CLEC10A: variants seen among roughly 807,000 people sequenced by gnomAD.
The protein encoded by CLEC10A is C-type lectin domain containing 10A.
Under a neutral mutation model 42.0 loss-of-function variants are expected in CLEC10A, and 38 were observed. That is an observed-to-expected ratio of 0.90 (90% CI 0.70 to 1.18). The LOEUF is 1.18. CLEC10A is among the 50% of genes most tolerant of loss of function. The pLI is 0.00. For missense variants in CLEC10A, 298 were observed against 345.9 expected (o/e 0.86, Z 1.10); for synonymous variants, 126 against 139.9 (o/e 0.90, Z 0.70).
At chr17:7,078,589 T>C (rs1911994545) in intron 2 of CLEC10A, 157 bp downstream of exon 2, 4 of 703,938 alleles carry the variant, frequency 5.7e-6, no homozygotes, top group Middle Eastern at 3.1e-4. Flanking sequence ...TCTAGAGACC[T>C]TGCATCCTCT....
intron 1 of CLEC10A, among the ~76,000 whole-genome samples, chr17:7,079,671 C>T (rs998173823): frequency 1.8e-4 from 27 of 152,114 alleles, no homozygotes; most frequent in Admixed American, 7.9e-4. Flanking sequence ...AATGGGCCAC[C>T]AATGAGGCTG....
In CLEC10A at chr17:7,077,994, C is replaced by T. The variant is rs1911948126; in HGVS notation, c.184+3G>A. On this transcript the variant is annotated splice_donor_region_variant and intron_variant, in intron 3 of 8. Coordinates refer to ENST00000416562, the MANE Select transcript of CLEC10A (RefSeq NM_001330070.2). ...CTTCCCTGTCCACCCCTGTGACCCT[C>T]ACTTTGGAATCCAACCACACAGATG... is the stretch of plus-strand genomic sequence containing the variant. 2.5e-6 allele frequency: 4 copies of T among 1,604,590 alleles called. No homozygotes were observed. The highest frequency in any genetic ancestry group is 1.7e-5 in the Admixed American group (1 of 59,974).
At chr17:7,078,421 G>A in intron 2 of CLEC10A, 1 of 505,960 alleles carries the variant, frequency 2.0e-6, no homozygotes, top group Non-Finnish European at 3.6e-6. Flanking sequence ...AGCCCTTCAT[G>A]GGCTTATGCT....
Position 7,078,869 on chromosome 17 carries a change from C to G in CLEC10A, c.-57G>C, listed in dbSNP as rs370204054. The G allele has an allele frequency of 1.9e-6, 3 of 1,564,502 alleles. No homozygotes were observed. The highest frequency in any genetic ancestry group is 2.2e-5 in the East Asian group (1 of 44,602). ...AGCTGAAATGGAGGCAGGGCCGGCG[C>G]CCAGTCTGGGGTGGAGCTGGGGAAT... On this transcript the variant is annotated 5_prime_UTR_variant, in exon 2 of 9. Coordinates refer to ENST00000416562, the MANE Select transcript of CLEC10A (RefSeq NM_001330070.2).
chr17:7,078,439 C>T (rs1911985569), intron 2 of CLEC10A: 6 of 515,586 alleles, frequency 1.2e-5, no homozygotes, highest in Non-Finnish European at 2.1e-5. Context: ...GCTCACCTAC[C>T]TGCTGGACAA....
At chr17:7,079,386 C>T (rs958956340) in intron 1 of CLEC10A, among the ~76,000 whole-genome samples, 2 of 152,018 alleles carry the variant, frequency 1.3e-5, no homozygotes, top group Non-Finnish European at 2.9e-5. Flanking sequence ...AGTTTGAGAC[C>T]GGCCTGGCCA....
At chr17:7,076,655 C>T in intron 5 of CLEC10A, 78 bp downstream of exon 5, 1 of 1,502,726 alleles carries the variant, frequency 6.7e-7, no homozygotes. Flanking sequence ...GAGGGCAGTT[C>T]AGCACCAGGA....
In CLEC10A at chr17:7,075,176, C is replaced by A; in HGVS notation, c.748G>T (p.Gly250Cys). 6.3e-7 allele frequency: 1 copy of A among 1,580,428 alleles called. No homozygotes were observed. The highest frequency in any genetic ancestry group is 8.6e-7 in the Non-Finnish European group (1 of 1,167,370). Residue 250 changes from glycine to cysteine, a missense_variant, in exon 9 of 9, where the codon GGT becomes TGT. Physicochemically the swap from Gly to Cys is radical, Grantham distance 159. This residue lies in a region of CLEC10A where 267 missense variants were observed against 289.5 expected (regional missense o/e 0.92). Transcript: ENST00000416562. ...AAGTGAGCACAGTCCTCGCCTCCAC[C>A]CAGCCCGTGCCCCTGCCAGTCGTCT... ...QPDDWQGHGL[G>C]GGEDCAHFHP...
At chr17:7,079,293 T>TG (rs1197243664) in intron 1 of CLEC10A, among the ~76,000 whole-genome samples, 5 of 151,788 alleles carry the variant, frequency 3.3e-5, no homozygotes, top group African/African-American at 7.3e-5. Context: ...AGGAGCTGGG[T>TG]GGGGGGCGAC....
rs1386437577 is a variant in CLEC10A at position 7,075,663 on chromosome 17, C to T, written c.594+68G>A. On this transcript the variant is annotated intron_variant, in intron 7 of 8. Transcript: ENST00000416562. The stretch of plus-strand genomic sequence containing the variant: ...GAAGCTCCCAGATGATTCCAATGTG[C>T]GGCCAAGCTTAAGAACCATTTCCCT... 6.2e-6 allele frequency: 10 copies of T among 1,607,606 alleles called. No homozygotes were observed. The East Asian group carries it at 1.3e-4, about 22-fold the overall frequency.
chr17:7,076,303 C>CTTT lies in CLEC10A; in HGVS notation c.353-235_353-233dup. Reference sequence around the variant, plus strand: ...GAAAGCATGCTGCCTTTCTTTCTTTCTTTCTTTTTTTTTTTTTTTTTTTTG... The same window carrying CTTT: ...GAAAGCATGCTGCCTTTCTTTCTTTCTTTTTTCTTTTTTTTTTTTTTTTTTTTG... On this transcript the variant is annotated intron_variant, in intron 5 of 8. Coordinates refer to ENST00000416562, the MANE Select transcript of CLEC10A (RefSeq NM_001330070.2). The CTTT allele has an allele frequency of 8.1e-6, 4 of 493,546 alleles. No homozygotes were observed. The East Asian group carries it at 1.2e-4, about 15-fold the overall frequency. 30.6% of individuals were successfully genotyped at this position (493,546 alleles called of 1,614,324 possible). A position where few individuals can be genotyped will look rare whatever the true frequency, so the allele number is the denominator to read the frequency against.
intron 3 of CLEC10A, among the ~76,000 whole-genome samples, chr17:7,077,218 G>A (rs1911812489): frequency 6.9e-6 from 1 of 145,310 alleles, no homozygotes; most frequent in South Asian, 2.2e-4. Flanking sequence ...TCCTGACTAT[G>A]GGTCCGTCAA....
rs991113331 is a variant in CLEC10A, at chr17:7,075,140, C to T, written c.784G>A (p.Gly262Ser). The T allele has an allele frequency of 1.9e-6, 3 of 1,608,418 alleles. No individual in the cohort carries two copies. The highest frequency in any genetic ancestry group is 2.5e-6 in the Non-Finnish European group (3 of 1,178,460). The change falls in exon 9 of 9, where the codon GGC becomes AGC. Residue 262 changes from glycine to serine, a missense_variant. By Grantham distance (56) the Gly-to-Ser change is moderately conservative. Transcript: ENST00000416562. ...GEDCAHFHPDGRWNDDVCQRP... is the reference protein window; with the variant it reads ...GEDCAHFHPDSRWNDDVCQRP... ...TGGCAGACGTCGTCATTCCACCTGC[C>T]GTCTGGATGGAAGTGAGCACAGTCC...
chr17:7,075,017 G>A lies in CLEC10A; in HGVS notation c.*37C>T, dbSNP rs748103007. 18 of 1,500,996 alleles carry A rather than the reference G, an allele frequency of 1.2e-5. No individual in the cohort carries two copies. The highest frequency in any genetic ancestry group is 2.4e-4 in the Middle Eastern group (1 of 4,240). The allele number at this position is 1,500,996 out of a possible 1,614,324, so 93.0% of individuals were successfully genotyped here. A position where few individuals can be genotyped will look rare whatever the true frequency, so the allele number is the denominator to read the frequency against. Reference sequence around the variant, plus strand: ...TCGTGAGAAGAGTCCTCCTCCCACCGCCATTTCTGTGGCCGGGTGGTCCCA... The same window carrying A: ...TCGTGAGAAGAGTCCTCCTCCCACCACCATTTCTGTGGCCGGGTGGTCCCA... On this transcript the variant is annotated 3_prime_UTR_variant, in exon 9 of 9. Transcript: ENST00000416562.
intron 5 of CLEC10A, 57 bp downstream of exon 5, chr17:7,076,676 A>G: frequency 6.3e-7 from 1 of 1,576,008 alleles, no homozygotes; most frequent in Non-Finnish European, 8.7e-7. Flanking sequence ...GTCTGTTCCC[A>G]CCTCCACTGT....
Position 7,076,973 on chromosome 17 carries a change from T to C in CLEC10A, c.199A>G (p.Arg67Gly). The C allele has an allele frequency of 5.0e-6, 8 of 1,613,476 alleles. No homozygotes were observed. Among genetic ancestry groups the C allele is most frequent in the Non-Finnish European group, 5.9e-6 (7 of 1,179,580 alleles). The part of the protein sequence containing the change: ...VVGFQNSKFQ[R>G]DLVTLRTDFS... ...TCTGTTCTCAGGGTCACCAGGTCCCTCTGAAATTTGGAATCTAAACAGGTG... is the reference window on the plus strand; with the variant it reads ...TCTGTTCTCAGGGTCACCAGGTCCCCCTGAAATTTGGAATCTAAACAGGTG... Residue 67 changes from arginine (R) to glycine (G), a missense_variant, in exon 4 of 9, where the codon AGG (arginine) becomes GGG (glycine). Arg to Gly is a moderately radical substitution (Grantham distance 125). This residue lies in a region of CLEC10A where 267 missense variants were observed against 289.5 expected (regional missense o/e 0.92). Coordinates refer to ENST00000416562, the MANE Select transcript of CLEC10A (RefSeq NM_001330070.2).
At position 7,075,465 on chromosome 17, in the gene CLEC10A, T is replaced by C; in HGVS notation, c.596A>G (p.Asn199Ser). Reference protein sequence around the residue: ...LVVINSREEQNFVQKYLGSAY... With the variant: ...LVVINSREEQSFVQKYLGSAY... ...GGAGCCTAGATATTTCTGGACAAAA[T>C]TCTGCGGTGACAGAAGGGCAGTGGT... The change falls in exon 8 of 9, where the codon AAT becomes AGT. Residue 199 changes from asparagine to serine, a missense_variant and splice_region_variant. Physicochemically the swap from Asn to Ser is conservative, Grantham distance 46. Around this residue, in one of 3 missense-constraint regions of CLEC10A, gnomAD observed 267 missense variants for 289.5 expected, o/e 0.92. Coordinates refer to ENST00000416562, the MANE Select transcript of CLEC10A (RefSeq NM_001330070.2). The C allele has an allele frequency of 6.5e-7, 1 of 1,532,228 alleles. No individual in the cohort carries two copies. The highest frequency in any genetic ancestry group is 1.3e-5 in the South Asian group (1 of 75,876). The allele number at this position is 1,532,228 out of a possible 1,614,324, so 94.9% of individuals were successfully genotyped here.
rs1302920510 is a variant in CLEC10A at position 7,078,752 on chromosome 17, T to A, written c.61A>T (p.Lys21Ter). 1 of 1,614,110 alleles carries A rather than the reference T, an allele frequency of 6.2e-7. No individual in the cohort carries two copies. Among genetic ancestry groups the A allele is most frequent in the Non-Finnish European group, 8.5e-7 (1 of 1,179,930 alleles). ...GTTTCCCCTTTCCTCTTACCATTTT[T>A]AAACCCCTGGACTTTCACCTTATTC... is the stretch of plus-strand genomic sequence containing the variant. Reference protein sequence around the residue: ...LENKVKVQGFKNGPLPLQSLL... With the variant: ...LENKVKVQGF Residue 21 changes from lysine to a stop codon, truncating the protein, a stop_gained, in exon 2 of 9, where the codon AAA becomes TAA. Coordinates refer to ENST00000416562, the MANE Select transcript of CLEC10A (RefSeq NM_001330070.2). LOFTEE classifies it high-confidence loss of function.
Position 7,076,007 on chromosome 17 carries a change from C to G in CLEC10A, c.417G>C (p.Gln139His). 1 of 1,614,232 alleles carries G rather than the reference C, an allele frequency of 6.2e-7. No homozygotes were observed. Among genetic ancestry groups the G allele is most frequent in the Non-Finnish European group, 8.5e-7 (1 of 1,180,038 alleles). Residue 139 changes from glutamine to histidine, a missense_variant, in exon 6 of 9, where the codon CAG (glutamine) becomes CAC (histidine). Gln to His is a conservative substitution (Grantham distance 24). Coordinates refer to ENST00000416562, the MANE Select transcript of CLEC10A (RefSeq NM_001330070.2). ...CACCATTGTTGTTGAGAGTAGCCAC[C>G]TGGCAGGTCAGTTTCTTCAGGTCTT... ...LVQDLKKLTC[Q>H]VATLNNNAST... is the part of the protein sequence containing the mutation.
Sources: allele counts gnomAD v4.1 joint callset (sites outside exome capture counted in the v4.1 genomes callset), GRCh38; gene constraint gnomAD v4.1.1; regional missense constraint gnomAD v4.1.1; transcripts MANE v1.5; gene names NCBI Gene and HGNC (gene_info 2026-07-23, HGNC 2026-07-21).